NAA25: variants seen among roughly 807,000 people sequenced by gnomAD.
NAA25 encodes the protein N-alpha-acetyltransferase 25, NatB auxiliary subunit, also known as N-terminal acetyltransferase B complex subunit NAA25.
In NAA25, 30 loss-of-function variants were observed where a neutral mutation model predicts 132.5. The ratio of observed to expected loss-of-function variants is 0.23; its 90% CI spans 0.17 to 0.31. The LOEUF (loss-of-function observed/expected upper bound fraction) is 0.31, where lower values mean the gene tolerates loss of function less well. Ranked by LOEUF, NAA25 falls within the 10% of genes least tolerant of loss-of-function variation. NAA25 has a pLI of 1.00. For synonymous variants in NAA25, 359 were observed against 401.9 expected (o/e 0.89, Z 1.28); for missense variants, 771 against 1,150.4 (o/e 0.67, Z 4.77).
intron 15 of NAA25, among the ~76,000 whole-genome samples, chr12:112,050,651 TG>T (rs1270959729): frequency 3.3e-5 from 5 of 152,028 alleles, no homozygotes; most frequent in Non-Finnish European, 7.4e-5. Context: ...CCCAAGTAGC[TG>T]GAATTACAGG....
At position 112,029,410 on chromosome 12, in the gene NAA25, C is replaced by A; in HGVS notation, c.*121G>T. On this transcript the variant is annotated 3_prime_UTR_variant, in exon 24 of 24. Transcript: ENST00000261745. ...CCTAAAAAAATTCACGATCAAAGTC[C>A]TTCATGCATTTTATGAGGAAGTTCT... 2.7e-6 allele frequency: 4 copies of A among 1,484,290 alleles called. No homozygotes were observed. Among genetic ancestry groups the A allele is most frequent in the Non-Finnish European group, 3.6e-6 (4 of 1,096,942 alleles). The allele number at this position is 1,484,290 out of a possible 1,614,324, so 91.9% of individuals were successfully genotyped here.
intron 7 of NAA25, among the ~76,000 whole-genome samples, chr12:112,076,446 C>T (rs1488815115): frequency 6.6e-6 from 1 of 152,052 alleles, no homozygotes; most frequent in African/African-American, 2.4e-5. Flanking sequence ...GCTGCCCATC[C>T]ATACAGTTCC....
At chr12:112,076,808 C>G (rs1424370766) in intron 7 of NAA25, among the ~76,000 whole-genome samples, 1 of 151,686 alleles carries the variant, frequency 6.6e-6, no homozygotes, top group South Asian at 2.1e-4. Flanking sequence ...CCAGCCTGGG[C>G]AACATATTGA....
At chr12:112,101,457 T>C (rs900270180) in intron 1 of NAA25, among the ~76,000 whole-genome samples, 2 of 151,902 alleles carry the variant, frequency 1.3e-5, no homozygotes, top group Non-Finnish European at 2.9e-5. Context: ...ATGAAAGATA[T>C]ATATATAAGA....
intron 17 of NAA25, among the ~76,000 whole-genome samples, chr12:112,044,924 A>C (rs1179184632): frequency 1.3e-5 from 2 of 150,868 alleles, no homozygotes; most frequent in Non-Finnish European, 3.0e-5. Flanking sequence ...GTGGTGGCAC[A>C]CACCTGTAGT....
At chr12:112,054,811 C>T (rs1477517320) in intron 13 of NAA25, among the ~76,000 whole-genome samples, 4 of 152,206 alleles carry the variant, frequency 2.6e-5, no homozygotes, top group African/African-American at 4.8e-5. Flanking sequence ...TTTTAAGTGG[C>T]CAGGTCTTGT....
chr12:112,092,550 C>G (rs1399580690), intron 2 of NAA25, among the ~76,000 whole-genome samples: 2 of 152,148 alleles, frequency 1.3e-5, no homozygotes, highest in African/African-American at 2.4e-5. Flanking sequence ...TCACTTGAAT[C>G]TGGGAGGCAG....
chr12:112,079,823 T>C (rs1419598726), intron 5 of NAA25, among the ~76,000 whole-genome samples: 1 of 152,164 alleles, frequency 6.6e-6, no homozygotes, highest in Admixed American at 6.6e-5. Flanking sequence ...CCCAGTTCAA[T>C]GAGCCATTAA....
chr12:112,047,625 C>A, intron 17 of NAA25, 40 bp downstream of exon 17: 1 of 1,599,816 alleles, frequency 6.3e-7, no homozygotes, highest in Non-Finnish European at 8.5e-7. Flanking sequence ...AAAAAACAAA[C>A]AAAAACTTTA....
At chr12:112,069,616 T>C (rs1314973436) in intron 10 of NAA25, among the ~76,000 whole-genome samples, 1 of 148,616 alleles carries the variant, frequency 6.7e-6, no homozygotes, top group Non-Finnish European at 1.5e-5. Flanking sequence ...AGGTCAAGAG[T>C]TCGAGACCAG....
chr12:112,076,136 G>C (rs558597070), intron 7 of NAA25, among the ~76,000 whole-genome samples: 1 of 152,090 alleles, frequency 6.6e-6, no homozygotes, highest in Non-Finnish European at 1.5e-5. Context: ...ACCCATCCCA[G>C]CCTCCCAGAG....
chr12:112,081,188 A>G (rs2078969266), intron 4 of NAA25, 54 bp from the exon 5 acceptor site: 1 of 1,439,526 alleles, frequency 6.9e-7, no homozygotes. Flanking sequence ...GAAGGGGATT[A>G]ATGATCTAGA....
intron 9 of NAA25, among the ~76,000 whole-genome samples, chr12:112,072,474 T>C (rs919592985): frequency 6.6e-6 from 1 of 151,624 alleles, no homozygotes; most frequent in Admixed American, 6.6e-5. Context: ...TCGGGCGTGG[T>C]GGCATGCACC....
At chr12:112,097,193 C>T (rs1431959148) in intron 1 of NAA25, 6 of 152,178 alleles carry the variant, frequency 3.9e-5, no homozygotes. Context: ...CAGTAAGTTA[C>T]AAGGAACCTC....
At chr12:112,087,844 A>T in intron 3 of NAA25, 43 bp from the exon 4 acceptor site, 1 of 1,261,760 alleles carries the variant, frequency 7.9e-7, no homozygotes, top group South Asian at 1.2e-5. Context: ...CTTCAAGAAC[A>T]TTCTAATGGC....
chr12:112,079,020 A>T (rs977561934), intron 5 of NAA25, among the ~76,000 whole-genome samples: 1 of 152,172 alleles, frequency 6.6e-6, no homozygotes, highest in Non-Finnish European at 1.5e-5. Context: ...AAGAATGTAA[A>T]GAGGGAGCAT....
At chr12:112,106,032 A>T (rs988617494) in intron 1 of NAA25, among the ~76,000 whole-genome samples, 1 of 152,216 alleles carries the variant, frequency 6.6e-6, no homozygotes, top group Non-Finnish European at 1.5e-5. Flanking sequence ...TTAAACAACA[A>T]AAGTGTGGAG....
intron 13 of NAA25, among the ~76,000 whole-genome samples, chr12:112,056,389 T>G (rs913027713): frequency 1.3e-5 from 2 of 151,624 alleles, no homozygotes; most frequent in African/African-American, 4.8e-5. Context: ...TAAAATTAAC[T>G]AAATAAATAA....
At chr12:112,067,943 G>A (rs1381724924) in intron 11 of NAA25, among the ~76,000 whole-genome samples, 5 of 151,898 alleles carry the variant, frequency 3.3e-5, no homozygotes, top group Admixed American at 3.3e-4. Context: ...CACCATTATT[G>A]GCCAGGCTGG....
Sources: gnomAD v4.1 joint callset for allele counts (sites outside exome capture counted in the v4.1 genomes callset) on GRCh38, gnomAD v4.1.1 for gene constraint, MANE v1.5 for transcripts, NCBI Gene and HGNC (gene_info 2026-07-23, HGNC 2026-07-21) for gene names.